LPP: variants seen among roughly 807,000 people sequenced by gnomAD.
LPP encodes lipoma-preferred partner.
LPP carries 38 observed loss-of-function variants against 60.4 expected under a neutral mutation model. That is an observed-to-expected ratio of 0.63 (90% CI 0.49 to 0.83). The LOEUF (loss-of-function observed/expected upper bound fraction) is 0.83. Among genes scored for constraint, LPP ranks in the 40% least tolerant of loss-of-function variants. LPP has a pLI of 0.00. For synonymous variants in LPP, 328 were observed against 290.8 expected, an observed-to-expected ratio of 1.13 and a Z score of -1.30; for missense variants, 902 against 783.6, an observed-to-expected ratio of 1.15 and a Z score of -1.80.
rs1315000809 is a variant in LPP at position 188,216,273 on chromosome 3, C to CTT, written c.-189-9115_-189-9114dup. Among the ~76,000 whole-genome samples the CTT allele has an allele frequency of 7.2e-4, 95 of 131,164 alleles. 1 individual carries two copies. Among genetic ancestry groups the CTT allele is most frequent in the South Asian group, 2.3e-3 (9 of 3,950 alleles). The allele number at this position is 131,164 out of a possible 152,430, so 86.0% of individuals were successfully genotyped here. ...GACTCTGCTCGTCTTCTTCTTCTTCCTTTTTTTTTTTTTTTTTTGATGGAG... is the reference window on the plus strand; with the variant it reads ...GACTCTGCTCGTCTTCTTCTTCTTCCTTTTTTTTTTTTTTTTTTTTGATGGAG... On this transcript the variant is annotated intron_variant, in intron 1 of 11. Transcript: ENST00000617246.
chr3:188,636,114 C>T (rs184711905), intron 7 of LPP, among the ~76,000 whole-genome samples: 6,102 of 152,278 alleles, frequency 0.04, 168 homozygotes, highest in Non-Finnish European at 0.063. Flanking sequence ...ACGCAGAAGG[C>T]GGGTGATTTC....
chr3:188,678,195 T>C (rs1321835060), intron 7 of LPP, among the ~76,000 whole-genome samples: 1 of 152,224 alleles, frequency 6.6e-6, no homozygotes, highest in African/African-American at 2.4e-5. Flanking sequence ...TCAGTTTCCG[T>C]CATGCTGCTC....
chr3:188,884,983 G>A lies in LPP; in HGVS notation c.*10504G>A, dbSNP rs1393035080. 4.7e-6 allele frequency: 1 copy of A among 214,570 alleles called. No individual in the cohort carries two copies. Among genetic ancestry groups the A allele is most frequent in the Non-Finnish European group, 9.4e-6 (1 of 106,252 alleles). The allele number at this position is 214,570 out of a possible 1,614,324, so 13.3% of individuals were successfully genotyped here. A position where few individuals can be genotyped will look rare whatever the true frequency, so the allele number is the denominator to read the frequency against. ...ATTTTGTGATTTTTTATAATTACAA[G>A]GAATTTGGTACCATGTTGTTTTCAA... On this transcript the variant is annotated 3_prime_UTR_variant, in exon 12 of 12. Coordinates refer to ENST00000617246, the MANE Select transcript of LPP (RefSeq NM_001375462.1).
chr3:188,390,164 C>T (rs762656379), intron 3 of LPP, among the ~76,000 whole-genome samples: 1 of 152,152 alleles, frequency 6.6e-6, no homozygotes, highest in African/African-American at 2.4e-5. Flanking sequence ...CCTGCTCCTG[C>T]CCCTCCCTGC....
At chr3:188,513,205 AAC>A (rs1816336012) in intron 5 of LPP, among the ~76,000 whole-genome samples, 1 of 152,198 alleles carries the variant, frequency 6.6e-6, no homozygotes, top group Non-Finnish European at 1.5e-5. Context: ...TTTATGCACA[AAC>A]ACAGAGTTCA....
intron 5 of LPP, among the ~76,000 whole-genome samples, chr3:188,522,232 A>G (rs1819060894): frequency 2.0e-5 from 3 of 152,144 alleles, no homozygotes; most frequent in Admixed American, 6.5e-5. Flanking sequence ...CTCTTTTTCT[A>G]TTTTTGGCTA....
At position 188,886,231 on chromosome 3, in the gene LPP, G is replaced by A. The variant is rs1553881882; in HGVS notation, c.*11752G>A. 6.6e-6 allele frequency: 1 copy of A among 152,432 alleles called. No homozygotes were observed. The highest frequency in any genetic ancestry group is 2.1e-4 in the South Asian group (1 of 4,726). 9.4% of individuals were successfully genotyped at this position (152,432 alleles called of 1,614,324 possible). On this transcript the variant is annotated 3_prime_UTR_variant, in exon 12 of 12. Coordinates refer to ENST00000617246, the MANE Select transcript of LPP (RefSeq NM_001375462.1). The stretch of plus-strand genomic sequence containing the variant: ...ACGAGTTAATGGGTGCAGCACACCA[G>A]CATGGCACATGTATACATATGTAAC...
chr3:188,782,442 A>C (rs1436224849), intron 9 of LPP, among the ~76,000 whole-genome samples: 1 of 152,180 alleles, frequency 6.6e-6, no homozygotes, highest in Non-Finnish European at 1.5e-5. Flanking sequence ...TTTCATCTAT[A>C]AAAGGAGGTT....
intron 8 of LPP, chr3:188,711,216 G>A (rs867184917): frequency 6.6e-6 from 1 of 152,164 alleles, no homozygotes; most frequent in African/African-American, 2.4e-5. Flanking sequence ...ATAACCATTT[G>A]AGAATTTGGA....
chr3:188,450,796 A>G (rs1415785548), intron 4 of LPP, among the ~76,000 whole-genome samples: 1 of 151,944 alleles, frequency 6.6e-6, no homozygotes, highest in Admixed American at 6.6e-5. Context: ...GAGGTTTACT[A>G]CTTGTAATAC....
intron 9 of LPP, among the ~76,000 whole-genome samples, chr3:188,835,249 G>A (rs1254461955): frequency 6.6e-6 from 1 of 150,628 alleles, no homozygotes; most frequent in Non-Finnish European, 1.5e-5. Flanking sequence ...CTTGAGGTCA[G>A]GAGTTCTAGA....
intron 5 of LPP, among the ~76,000 whole-genome samples, chr3:188,495,262 G>C (rs1579349415): frequency 6.9e-6 from 1 of 145,558 alleles, no homozygotes; most frequent in East Asian, 2.0e-4. Context: ...TAAAATGAAT[G>C]ATTGAATTAA....
Position 188,457,850 on chromosome 3 carries a change from A to G in LPP, c.194-26742A>G, listed in dbSNP as rs375934252. Among the ~76,000 whole-genome samples the G allele has an allele frequency of 8.4e-4, 128 of 152,120 alleles. 2 individuals carry two copies. In the South Asian group the frequency reaches 0.025, roughly 30 times the overall value. On this transcript the variant is annotated intron_variant, in intron 4 of 11. Coordinates refer to ENST00000617246, the MANE Select transcript of LPP (RefSeq NM_001375462.1). The stretch of plus-strand genomic sequence containing the variant: ...CTTGAACCCAGGAGGTGGAGGTTGC[A>G]GTGATCCGAGATCACGCCCCTGCAC...
chr3:188,200,818 C>T (rs1413352568), intron 1 of LPP, among the ~76,000 whole-genome samples: 2 of 152,032 alleles, frequency 1.3e-5, no homozygotes, highest in Non-Finnish European at 2.9e-5. Context: ...TATATCTACC[C>T]CCAACTTATC....
intron 3 of LPP, among the ~76,000 whole-genome samples, chr3:188,400,104 T>C (rs1781893446): frequency 6.6e-6 from 1 of 152,206 alleles, no homozygotes; most frequent in Admixed American, 6.5e-5. Flanking sequence ...TTTGTGGTCC[T>C]GTGGCTTATT....
At chr3:188,563,327 C>T (rs560548452) in intron 6 of LPP, among the ~76,000 whole-genome samples, 37 of 151,888 alleles carry the variant, frequency 2.4e-4, no homozygotes, top group African/African-American at 7.7e-4. Flanking sequence ...AACATAACAG[C>T]CCTCCCTCAG....
chr3:188,821,427 T>G (rs1451736871), intron 9 of LPP, among the ~76,000 whole-genome samples: 5 of 151,126 alleles, frequency 3.3e-5, no homozygotes, highest in African/African-American at 9.7e-5. Flanking sequence ...GTTTTAGATA[T>G]TCTTTATTAT....
intron 2 of LPP, among the ~76,000 whole-genome samples, chr3:188,288,825 A>G (rs371156755): frequency 1.2e-4 from 3 of 25,506 alleles, no homozygotes; most frequent in South Asian, 2.0e-3. Context: ...CCCACCCCCC[A>G]CCCCCACCCC....
intron 1 of LPP, among the ~76,000 whole-genome samples, chr3:188,190,055 A>AT (rs36073619): frequency 0.067 from 8,774 of 131,064 alleles, 363 homozygotes; most frequent in East Asian, 0.15. Context: ...CATTCTGTGG[A>AT]TTTTTTTTTT....
Sources: gnomAD v4.1 joint callset for allele counts (sites outside exome capture counted in the v4.1 genomes callset) on GRCh38, gnomAD v4.1.1 for gene constraint, MANE v1.5 for transcripts, NCBI Gene and HGNC (gene_info 2026-07-23, HGNC 2026-07-21) for gene names.